Variants in ADAM12 observed in about 807,000 individuals in gnomAD.
ADAM12 encodes disintegrin and metalloproteinase domain-containing protein 12.
In ADAM12, 70 loss-of-function variants were observed where a neutral mutation model predicts 106.4. The observed-to-expected ratio is 0.66, with a 90% confidence interval of 0.54 to 0.80. The LOEUF (loss-of-function observed/expected upper bound fraction) is 0.80, where lower values mean the gene tolerates loss of function less well. Among genes scored for constraint, ADAM12 ranks in the 30% least tolerant of loss-of-function variants. The pLI is 0.00. For missense variants in ADAM12, 1,010 were observed against 1,171.9 expected, an observed-to-expected ratio of 0.86 and a Z score of 2.02; for synonymous variants, 420 against 433.5, an observed-to-expected ratio of 0.97 and a Z score of 0.39.
chr10:126,114,076 G>C (rs967199075), intron 6 of ADAM12, among the ~76,000 whole-genome samples: 1 of 152,092 alleles, frequency 6.6e-6, no homozygotes, highest in African/African-American at 2.4e-5. Context: ...CTGCGTATTT[G>C]TAAGTTGAGC....
chr10:126,163,301 CTCCT>C, intron 3 of ADAM12, among the ~76,000 whole-genome samples: 1 of 152,210 alleles, frequency 6.6e-6, no homozygotes. Flanking sequence ...GAGCAGGTGA[CTCCT>C]ACGGTTTGGA....
chr10:126,256,854 T>C (rs943742487), intron 3 of ADAM12, among the ~76,000 whole-genome samples: 1 of 152,208 alleles, frequency 6.6e-6, no homozygotes, highest in African/African-American at 2.4e-5. Context: ...GTTCTTTAAG[T>C]ACTATATTGC....
chr10:126,022,690 C>A (rs1953790776), intron 21 of ADAM12, among the ~76,000 whole-genome samples: 1 of 152,214 alleles, frequency 6.6e-6, no homozygotes, highest in South Asian at 2.1e-4. Context: ...AGTGTGATCA[C>A]CAAGCATCAT....
chr10:126,231,505 T>C (rs991350686), intron 3 of ADAM12, among the ~76,000 whole-genome samples: 1 of 152,180 alleles, frequency 6.6e-6, no homozygotes, highest in Non-Finnish European at 1.5e-5. Flanking sequence ...GCGCCATCTA[T>C]AGCAACTCCC....
chr10:126,046,854 C>T (rs1954338862), intron 16 of ADAM12, among the ~76,000 whole-genome samples: 1 of 139,980 alleles, frequency 7.1e-6, no homozygotes, highest in African/African-American at 2.6e-5. Context: ...AGACAGATTA[C>T]TCCTTATCCC....
At chr10:126,210,386 C>T (rs1187535592) in intron 3 of ADAM12, among the ~76,000 whole-genome samples, 1 of 152,212 alleles carries the variant, frequency 6.6e-6, no homozygotes, top group African/African-American at 2.4e-5. Context: ...CCTCACTGCT[C>T]TGGACATCAG....
At chr10:126,135,385 A>G in intron 5 of ADAM12, 199 bp downstream of exon 5, 1 of 566,206 alleles carries the variant, frequency 1.8e-6, no homozygotes, top group East Asian at 2.8e-5. Context: ...GGGCATGAAC[A>G]TGAGGCTAAG....
At position 126,157,709 on chromosome 10, in the gene ADAM12, C is replaced by T. The variant is rs563055566; in HGVS notation, c.261-2404G>A. On this transcript the variant is annotated intron_variant, in intron 3 of 22. Transcript: ENST00000448723. ...TCACTCTCCTCAGCAGTGCACATGT[C>T]GTGCCAGAGAAAGTTGCCCTCCTTG... Among the ~76,000 whole-genome samples the T allele has an allele frequency of 2.0e-5, 3 of 152,324 alleles. No homozygotes were observed. In the East Asian group the frequency reaches 5.8e-4, roughly 29 times the overall value.
intron 11 of ADAM12, among the ~76,000 whole-genome samples, chr10:126,081,420 C>T (rs796311670): frequency 4.6e-5 from 7 of 152,290 alleles, no homozygotes; most frequent in African/African-American, 1.7e-4. Flanking sequence ...TCATATCGTC[C>T]ACAGCTGACA....
At position 126,388,087 on chromosome 10, in the gene ADAM12, C is replaced by G. The variant is rs1309795963; in HGVS notation, c.59G>C (p.Gly20Ala). 8.1e-7 allele frequency: 1 copy of G among 1,233,996 alleles called. No homozygotes were observed. The highest frequency in any genetic ancestry group is 3.8e-5 in the Admixed American group (1 of 26,440). 76.4% of individuals were successfully genotyped at this position (1,233,996 alleles called of 1,614,324 possible). ...GGCCTCGCAGGGCGCGAGCAGAGCA[C>G]CGGCCAGGGCGAGCAGGAGGGCGCG... Reference protein sequence around the residue: ...PARALLLALAGALLAPCEARG... With the variant: ...PARALLLALAAALLAPCEARG... The change falls in exon 1 of 23, where the codon GGT (glycine) becomes GCT (alanine). Residue 20 changes from glycine to alanine, a missense_variant. Around this residue, in one of 3 missense-constraint regions of ADAM12, gnomAD observed 391 missense variants for 442.9 expected, o/e 0.88. Coordinates refer to ENST00000448723, the MANE Select transcript of ADAM12 (RefSeq NM_001288973.2). This position sits in a 1 kb window ranked among gnomAD's most constrained non-coding sequence, Gnocchi z 4.4.
chr10:126,040,035 C>G (rs1395825025), intron 18 of ADAM12, among the ~76,000 whole-genome samples: 3 of 152,280 alleles, frequency 2.0e-5, no homozygotes, highest in Admixed American at 6.5e-5. Flanking sequence ...TGGGGGAAAC[C>G]CTTTTCCTGG....
chr10:126,238,314 T>C (rs1022732814), intron 3 of ADAM12, among the ~76,000 whole-genome samples: 2 of 152,176 alleles, frequency 1.3e-5, no homozygotes, highest in African/African-American at 4.8e-5. Flanking sequence ...ACCCCATCTC[T>C]ACTAAAAATA....
chr10:126,276,602 T>A (rs565179838), intron 3 of ADAM12, among the ~76,000 whole-genome samples: 2 of 152,226 alleles, frequency 1.3e-5, no homozygotes, highest in Admixed American at 6.5e-5. Flanking sequence ...CCTCTTATTA[T>A]GAAAATGTTA....
At chr10:126,231,939 A>G (rs1958320404) in intron 3 of ADAM12, among the ~76,000 whole-genome samples, 1 of 152,128 alleles carries the variant, frequency 6.6e-6, no homozygotes, top group African/African-American at 2.4e-5. Flanking sequence ...CCTGAATTCT[A>G]GACATAACCA....
chr10:126,181,632 A>T (rs1957314039), intron 3 of ADAM12, among the ~76,000 whole-genome samples: 1 of 152,194 alleles, frequency 6.6e-6, no homozygotes, highest in African/African-American at 2.4e-5. Flanking sequence ...GCAGTGAAAG[A>T]CAAATGAAAC....
At chr10:126,381,061 TAC>T (rs1022078374) in intron 1 of ADAM12, among the ~76,000 whole-genome samples, 2 of 152,236 alleles carry the variant, frequency 1.3e-5, no homozygotes, top group South Asian at 2.1e-4. Context: ...AAAATTTTGT[TAC>T]AGTTTCCACA....
At chr10:126,166,424 C>T (rs1378259063) in intron 3 of ADAM12, among the ~76,000 whole-genome samples, 3 of 152,204 alleles carry the variant, frequency 2.0e-5, no homozygotes, top group African/African-American at 7.2e-5. Context: ...GTTTTCTCCC[C>T]TTTCAAATGA....
intron 7 of ADAM12, among the ~76,000 whole-genome samples, chr10:126,109,457 C>A (rs753864282): frequency 4.6e-5 from 7 of 152,130 alleles, no homozygotes; most frequent in Non-Finnish European, 5.9e-5. Context: ...AAAGACTAAA[C>A]TTTTCCCCAA....
In ADAM12 at chr10:126,051,580, T is replaced by TCCAG. The variant is rs1303239755; in HGVS notation, c.1610-1912_1610-1911insCTGG. On this transcript the variant is annotated intron_variant, in intron 14 of 22. Transcript: ENST00000448723. ...ATCCATCCATCCATCCATCCATCCATCCATCCATCCAGCCAGCCAGCCACC... is the reference window on the plus strand; with the variant it reads ...ATCCATCCATCCATCCATCCATCCATCCAGCCATCCATCCAGCCAGCCAGCCACC... 7.3e-3 allele frequency among the ~76,000 whole-genome samples: 732 copies of TCCAG among 100,866 alleles called. 3 individuals are homozygous for TCCAG. The highest frequency in any genetic ancestry group is 0.026 in the African/African-American group (485 of 18,960). The allele number at this position is 100,866 out of a possible 152,430, so 66.2% of individuals were successfully genotyped here.
Sources: allele counts gnomAD v4.1 joint callset (sites outside exome capture counted in the v4.1 genomes callset), GRCh38; gene constraint gnomAD v4.1.1; regional missense constraint gnomAD v4.1.1; non-coding constraint Gnocchi (gnomAD v3.1); transcripts MANE v1.5; gene names NCBI Gene and HGNC (gene_info 2026-07-23, HGNC 2026-07-21).